The following ZNF385D variants were observed in gnomAD, a reference collection of about 807,000 sequenced individuals.
ZNF385D encodes zinc finger protein 385D, also known as zinc finger protein 659.
A neutral mutation model predicts 35.8 loss-of-function variants in ZNF385D; 15 were observed. The observed-to-expected ratio is 0.42, with a 90% confidence interval of 0.28 to 0.64. The LOEUF is 0.64. ZNF385D is among the 30% of genes least tolerant of loss of function. The pLI is 0.23. For missense variants in ZNF385D, 474 were observed against 494.6 expected (o/e 0.96, Z 0.39); for synonymous variants, 212 against 186.8 (o/e 1.13, Z -1.10).
At chr3:21,689,976 G>C (rs1291900649) in intron 1 of ZNF385D, among the ~76,000 whole-genome samples, 2 of 151,522 alleles carry the variant, frequency 1.3e-5, no homozygotes, top group East Asian at 1.9e-4. Flanking sequence ...ATGAGTGCAA[G>C]TGAAACACTA....
At chr3:21,769,701 C>A (rs372380272) in intron 3 of ZNF385D, among the ~76,000 whole-genome samples, 2 of 114,758 alleles carry the variant, frequency 1.7e-5, no homozygotes, top group South Asian at 2.7e-4. Context: ...CCATCAAGCT[C>A]CCAATGACTT....
intron 3 of ZNF385D, among the ~76,000 whole-genome samples, chr3:21,782,374 A>T (rs961543619): frequency 2.0e-5 from 3 of 152,106 alleles, no homozygotes; most frequent in Admixed American, 2.0e-4. Context: ...AGAGAGTTTA[A>T]ATATTTCTTT....
At chr3:21,437,503 C>T (rs1701619491) in intron 4 of ZNF385D, among the ~76,000 whole-genome samples, 1 of 151,736 alleles carries the variant, frequency 6.6e-6, no homozygotes, top group African/African-American at 2.4e-5. Flanking sequence ...CTTAGTACAA[C>T]AATATTTATA....
intron 3 of ZNF385D, among the ~76,000 whole-genome samples, chr3:21,945,300 G>C (rs762424292): frequency 6.6e-6 from 1 of 152,032 alleles, no homozygotes; most frequent in Non-Finnish European, 1.5e-5. Flanking sequence ...ACTTAATAGA[G>C]TTTGTGAATA....
intron 4 of ZNF385D, among the ~76,000 whole-genome samples, chr3:21,500,653 T>C (rs1318146702): frequency 1.3e-5 from 2 of 152,196 alleles, no homozygotes; most frequent in African/African-American, 2.4e-5. Flanking sequence ...CATACACACC[T>C]TGCTTTCAGT....
intron 3 of ZNF385D, among the ~76,000 whole-genome samples, chr3:21,914,745 T>C (rs1467022557): frequency 1.3e-5 from 2 of 152,018 alleles, no homozygotes; most frequent in African/African-American, 4.8e-5. Flanking sequence ...AGAAAGAGTT[T>C]TACTTGAAAT....
chr3:21,467,697 C>T (rs7618153), intron 4 of ZNF385D, among the ~76,000 whole-genome samples: 78,545 of 151,882 alleles, frequency 0.52, 21,728 homozygotes, highest in African/African-American at 0.71. Context: ...CCTCAGTGAC[C>T]ATGTGCGGTT....
intron 1 of ZNF385D, among the ~76,000 whole-genome samples, chr3:21,699,684 T>A (rs1434747817): frequency 6.6e-6 from 1 of 152,020 alleles, no homozygotes; most frequent in East Asian, 1.9e-4. Context: ...AATGTTGAAA[T>A]AATACTTTTG....
At chr3:21,649,006 C>T (rs1012963363) in intron 2 of ZNF385D, among the ~76,000 whole-genome samples, 2 of 152,066 alleles carry the variant, frequency 1.3e-5, no homozygotes, top group Non-Finnish European at 2.9e-5. Flanking sequence ...GGTAAATCTA[C>T]AATACAAACC....
chr3:22,003,971 A>T (rs1283855022), intron 3 of ZNF385D, among the ~76,000 whole-genome samples: 1 of 152,168 alleles, frequency 6.6e-6, no homozygotes, highest in Non-Finnish European at 1.5e-5. Context: ...ACAAAGCTGG[A>T]GGCATCATAC....
At chr3:22,134,817 A>G (rs1223708409) in intron 3 of ZNF385D, among the ~76,000 whole-genome samples, 2 of 152,116 alleles carry the variant, frequency 1.3e-5, no homozygotes, top group East Asian at 1.9e-4. Flanking sequence ...ATAGTGATAA[A>G]AGAGGGGTCT....
intron 3 of ZNF385D, among the ~76,000 whole-genome samples, chr3:21,975,547 A>G (rs918181381): frequency 2.0e-5 from 3 of 152,086 alleles, no homozygotes; most frequent in Admixed American, 6.6e-5. Flanking sequence ...CTAAAAGCAT[A>G]TAATTTGGTT....
intron 2 of ZNF385D, among the ~76,000 whole-genome samples, chr3:21,569,247 T>C (rs1158453047): frequency 6.7e-6 from 1 of 150,168 alleles, no homozygotes; most frequent in Non-Finnish European, 1.5e-5. Context: ...TGGGTGCTCC[T>C]GTATTGGGTG....
intron 3 of ZNF385D, among the ~76,000 whole-genome samples, chr3:21,975,939 T>A (rs764762073): frequency 1.3e-5 from 2 of 151,922 alleles, no homozygotes; most frequent in Non-Finnish European, 2.9e-5. Flanking sequence ...AAGCCAAACA[T>A]ACTTGAAGGG....
rs547810255 is a variant in ZNF385D at position 21,447,082 on chromosome 3, G to C, written c.440-9879C>G. 7.2e-5 allele frequency among the ~76,000 whole-genome samples: 11 copies of C among 152,258 alleles called. No homozygotes were observed. In the South Asian group the frequency reaches 8.3e-4, roughly 11 times the overall value. ...CCAAAATAAATTAATCCAAACCTAA[G>C]TTCATCAGAAGGTAAGATTGTTAGG... is the stretch of plus-strand genomic sequence containing the variant. On this transcript the variant is annotated intron_variant, in intron 4 of 7. Transcript: ENST00000281523.
chr3:22,321,104 C>T (rs1192919085), intron 2 of ZNF385D, among the ~76,000 whole-genome samples: 2 of 147,808 alleles, frequency 1.4e-5, no homozygotes, highest in Non-Finnish European at 3.0e-5. Flanking sequence ...ACACTTCATC[C>T]TGTTCAAATT....
chr3:21,483,472 TG>T lies in ZNF385D; in HGVS notation c.439+27388del, dbSNP rs1704794611. On this transcript the variant is annotated intron_variant, in intron 4 of 7. Transcript: ENST00000281523. ...AGTAAATACCCAGCAGTAAGATTGC[TG>T]GGTCATATGGCAAGTATATGTTTAC... Among the ~76,000 whole-genome samples, 5 of 152,328 alleles carry T rather than the reference TG, an allele frequency of 3.3e-5. No homozygotes were observed. In the South Asian group the frequency reaches 1.0e-3, roughly 32 times the overall value.
At chr3:21,656,240 T>C (rs1156997550) in intron 2 of ZNF385D, among the ~76,000 whole-genome samples, 1 of 152,038 alleles carries the variant, frequency 6.6e-6, no homozygotes, top group East Asian at 1.9e-4. Flanking sequence ...GCAGATCAGA[T>C]GGCTCTAAAT....
intron 2 of ZNF385D, among the ~76,000 whole-genome samples, chr3:21,570,145 T>C (rs934462697): frequency 6.6e-6 from 1 of 152,032 alleles, no homozygotes; most frequent in African/African-American, 2.4e-5. Flanking sequence ...TGAAGTATGA[T>C]ACACTAGCTA....
Sources: allele counts gnomAD v4.1 joint callset (sites outside exome capture counted in the v4.1 genomes callset), GRCh38; gene constraint gnomAD v4.1.1; transcripts MANE v1.5; gene names NCBI Gene and HGNC (gene_info 2026-07-23, HGNC 2026-07-21).